BIVM: variants seen among roughly 807,000 people sequenced by gnomAD.
The protein encoded by BIVM is basic immunoglobulin-like variable motif-containing protein.
In BIVM, 31 loss-of-function variants were observed where a neutral mutation model predicts 61.4. The observed-to-expected ratio is 0.51, with a 90% CI of 0.38 to 0.68. The LOEUF is 0.68. BIVM is among the 30% of genes least tolerant of loss of function. BIVM has a pLI of 0.00. For synonymous variants in BIVM, 189 were observed against 210.7 expected (o/e 0.90, Z 0.89); for missense variants, 526 against 596.0 (o/e 0.88, Z 1.22).
At chr13:102,817,751 AT>A (rs551270876) in intron 4 of BIVM, among the ~76,000 whole-genome samples, 287 of 151,004 alleles carry the variant, frequency 1.9e-3, no homozygotes, top group African/African-American at 6.7e-3. Context: ...AACTGGGGCT[AT>A]TTGGTTATCT....
At position 102,822,050 on chromosome 13, in the gene BIVM, T is replaced by G. The variant is rs367994877; in HGVS notation, c.807-15T>G. The G allele has an allele frequency of 7.4e-6, 12 of 1,611,308 alleles. No homozygotes were observed. In the African/African-American group the frequency reaches 1.6e-4, roughly 22 times the overall value. On this transcript the variant is annotated splice_polypyrimidine_tract_variant and intron_variant, in intron 6 of 10. Coordinates refer to ENST00000257336, the MANE Select transcript of BIVM (RefSeq NM_017693.4). ...TAGAATTGTTGCCATGAACAAATCT[T>G]CTTGTTACTTTCAGGTGGTTTAGAC...
intron 9 of BIVM, 114 bp downstream of exon 9, chr13:102,834,666 C>T (rs768927160): frequency 1.5e-5 from 14 of 942,130 alleles, no homozygotes; most frequent in Admixed American, 3.6e-5. Context: ...TGTATAATCA[C>T]CACCCAAACA....
At chr13:102,802,279 T>G (rs903482298) in intron 1 of BIVM, among the ~76,000 whole-genome samples, 1 of 152,150 alleles carries the variant, frequency 6.6e-6, no homozygotes, top group African/African-American at 2.4e-5. Flanking sequence ...TTATTAGTAT[T>G]ATCAGTAATA....
chr13:102,826,264 ACACT>A (rs1274092691), intron 7 of BIVM, among the ~76,000 whole-genome samples: 1 of 151,956 alleles, frequency 6.6e-6, no homozygotes, highest in East Asian at 1.9e-4. Context: ...TCCCAGACAC[ACACT>A]CACCTGCACC....
At position 102,837,292 on chromosome 13, in the gene BIVM, A is replaced by T. The variant is rs186104442; in HGVS notation, c.1122-1351A>T. Among the ~76,000 whole-genome samples, 484 of 152,024 alleles carry T rather than the reference A, an allele frequency of 3.2e-3. 4 individuals carry two copies. The highest frequency in any genetic ancestry group is 0.011 in the African/African-American group (448 of 41,522). ...GACCCTGTCTCATAAAGAAAGAAAG[A>T]ATTCATAGTTTAGTTTTGGAAGAAT... On this transcript the variant is annotated intron_variant, in intron 9 of 10. Coordinates refer to ENST00000257336, the MANE Select transcript of BIVM (RefSeq NM_017693.4).
In BIVM at chr13:102,816,551, G is replaced by T; in HGVS notation, c.602G>T (p.Arg201Leu). The change falls in exon 4 of 11, where the codon CGA (arginine) becomes CTA (leucine). Residue 201 changes from arginine to leucine, a missense_variant. Coordinates refer to ENST00000257336, the MANE Select transcript of BIVM (RefSeq NM_017693.4). Reference protein sequence around the residue: ...IKQRKVLDLRRWYCISRPQYK... With the variant: ...IKQRKVLDLRLWYCISRPQYK... ...CAGCGGAAAGTATTAGACCTCAGAC[G>T]ATGGTGATGTTATCAGTTTTTATTT... 1 of 1,543,208 alleles carries T rather than the reference G, an allele frequency of 6.5e-7. No homozygotes were observed. Among genetic ancestry groups the T allele is most frequent in the South Asian group, 1.3e-5 (1 of 77,626 alleles).
intron 7 of BIVM, among the ~76,000 whole-genome samples, chr13:102,828,360 T>A (rs1340959582): frequency 6.6e-6 from 1 of 152,154 alleles, no homozygotes; most frequent in Admixed American, 6.5e-5. Context: ...GAAAATTGCA[T>A]TTATATTCAT....
At chr13:102,826,923 A>G (rs113232752) in intron 7 of BIVM, among the ~76,000 whole-genome samples, 1,859 of 152,300 alleles carry the variant, frequency 0.012, 31 homozygotes, top group African/African-American at 0.041. Flanking sequence ...TCGAGGAAAC[A>G]TCAGCTATAT....
chr13:102,821,694 C>T (rs372113316), intron 5 of BIVM, 49 bp from the exon 6 acceptor site: 234 of 1,549,820 alleles, frequency 1.5e-4, no homozygotes, highest in Non-Finnish European at 2.0e-4. Context: ...GCTGTATTTG[C>T]GTATGACTGG....
chr13:102,832,444 C>T (rs190105725), intron 8 of BIVM, among the ~76,000 whole-genome samples: 1 of 152,302 alleles, frequency 6.6e-6, no homozygotes, highest in African/African-American at 2.4e-5. Context: ...TCAAGTGGTC[C>T]TTATTCCTGG....
At chr13:102,836,378 T>C (rs1451126312) in intron 9 of BIVM, among the ~76,000 whole-genome samples, 1 of 152,224 alleles carries the variant, frequency 6.6e-6, no homozygotes, top group Non-Finnish European at 1.5e-5. Flanking sequence ...AGCGGTGTGA[T>C]CATGGCTCAC....
intron 1 of BIVM, among the ~76,000 whole-genome samples, chr13:102,804,074 AT>A (rs1878910332): frequency 6.6e-6 from 1 of 152,252 alleles, no homozygotes; most frequent in Non-Finnish European, 1.5e-5. Context: ...TCGTGGTAAT[AT>A]TCCTATCCAA....
chr13:102,808,355 A>G (rs1334041616), intron 3 of BIVM, among the ~76,000 whole-genome samples: 6 of 152,318 alleles, frequency 3.9e-5, no homozygotes, highest in African/African-American at 7.2e-5. Flanking sequence ...TGAGGCAGGT[A>G]CTGTTAGCCC....
intron 8 of BIVM, among the ~76,000 whole-genome samples, chr13:102,833,327 G>GTTTGTTTTTTTTTTTTTTTTTTTT (rs1881232424): frequency 1.3e-5 from 1 of 79,598 alleles, no homozygotes. Context: ...GATAGGATGG[G>GTTTGTTTTTTTTTTTTTTTTTTTT]TTTTTTTTTT....
intron 7 of BIVM, among the ~76,000 whole-genome samples, chr13:102,829,540 T>C (rs1880911714): frequency 6.6e-6 from 1 of 152,140 alleles, no homozygotes; most frequent in African/African-American, 2.4e-5. Context: ...CTTAATGTGT[T>C]GAATGCTGTA....
intron 3 of BIVM, among the ~76,000 whole-genome samples, chr13:102,810,175 G>A (rs989257493): frequency 1.1e-4 from 17 of 152,108 alleles, no homozygotes; most frequent in African/African-American, 3.6e-4. Flanking sequence ...TTTTGTCACT[G>A]TGAATTTGAC....
At chr13:102,820,768 G>A (rs909671915) in intron 4 of BIVM, 6 of 356,086 alleles carry the variant, frequency 1.7e-5, no homozygotes, top group South Asian at 6.2e-5. Flanking sequence ...TTTAATAGGC[G>A]ATATATCATT....
Position 102,840,609 on chromosome 13 carries a change from G to C in BIVM, c.*744G>C, listed in dbSNP as rs1881748400. On this transcript the variant is annotated 3_prime_UTR_variant, in exon 11 of 11. Coordinates refer to ENST00000257336, the MANE Select transcript of BIVM (RefSeq NM_017693.4). ...TGAGGCAGGAGAATGGCGTGAACCC[G>C]GGAGGTGGAGCTTGCAGTGAGCGGA... 1 of 151,096 alleles carries C rather than the reference G, an allele frequency of 6.6e-6. No individual in the cohort carries two copies. The highest frequency in any genetic ancestry group is 2.4e-5 in the African/African-American group (1 of 40,936). The allele number at this position is 151,096 out of a possible 1,614,324, so 9.4% of individuals were successfully genotyped here.
Position 102,821,674 on chromosome 13 carries a change from A to AT in BIVM, c.702-67dup, listed in dbSNP as rs1314913822. On this transcript the variant is annotated intron_variant, in intron 5 of 10. Coordinates refer to ENST00000257336, the MANE Select transcript of BIVM (RefSeq NM_017693.4). ...TTGCAAATCAGACAAGCATATTAAC[A>AT]TTGAGACAGGCTGTATTTGCGTATG... is the stretch of plus-strand genomic sequence containing the variant. 33 of 1,365,396 alleles carry AT rather than the reference A, an allele frequency of 2.4e-5. 1 individual carries two copies. In the Middle Eastern group the frequency reaches 5.5e-4, roughly 23 times the overall value. The allele number at this position is 1,365,396 out of a possible 1,614,324, so 84.6% of individuals were successfully genotyped here.
Sources: allele counts gnomAD v4.1 joint callset (sites outside exome capture counted in the v4.1 genomes callset), GRCh38; gene constraint gnomAD v4.1.1; transcripts MANE v1.5; gene names NCBI Gene and HGNC (gene_info 2026-07-23, HGNC 2026-07-21).